Variants in PDE6B observed in about 807,000 individuals in gnomAD.
PDE6B encodes the protein rod cGMP-specific 3',5'-cyclic phosphodiesterase subunit beta.
In PDE6B, 106 loss-of-function variants were observed where a neutral mutation model predicts 109.0. The observed-to-expected ratio is 0.97, with a 90% confidence interval of 0.83 to 1.14. The LOEUF (loss-of-function observed/expected upper bound fraction) is 1.14. PDE6B is among the 50% of genes most tolerant of loss of function. The pLI, the probability that PDE6B is intolerant of heterozygous loss-of-function variation, is 0.00. For missense variants in PDE6B, 1,193 were observed against 1,155.6 expected (o/e 1.03, Z -0.47); for synonymous variants, 490 against 471.3 (o/e 1.04, Z -0.51).
chr4:653,813 G>A lies in PDE6B; in HGVS notation c.712-39G>A, dbSNP rs28514424. On this transcript the variant is annotated intron_variant, in intron 3 of 21. Transcript: ENST00000496514. The stretch of plus-strand genomic sequence containing the variant: ...CTGTGGTCAGACCGGCGTGAGGGTG[G>A]GAGTGGCCACAGGCCCACAGGTGTG... The A allele has an allele frequency of 8.6e-3, 13,923 of 1,611,514 alleles. 573 individuals carry two copies. In the African/African-American group the frequency reaches 0.12, roughly 14 times the overall value.
Position 669,361 on chromosome 4 carries a change from A to G in PDE6B, c.2504-685A>G, listed in dbSNP as rs867319622. On this transcript the variant is annotated intron_variant, in intron 21 of 21. Transcript: ENST00000496514. The stretch of plus-strand genomic sequence containing the variant: ...TATTCCCCTACCCCATGCTATTCCC[A>G]CTACCCCATGCTATTCCCCTACCCC... Among the ~76,000 whole-genome samples, 122 of 15,558 alleles carry G rather than the reference A, an allele frequency of 7.8e-3. 1 individual carries two copies. Among genetic ancestry groups the G allele is most frequent in the African/African-American group, 0.013 (38 of 2,934 alleles). 10.2% of individuals were successfully genotyped at this position (15,558 alleles called of 152,430 possible). A position where few individuals can be genotyped will look rare whatever the true frequency, so the allele number is the denominator to read the frequency against.
In PDE6B at chr4:662,026, G is replaced by T; in HGVS notation, c.1615-108G>T. Reference sequence around the variant, plus strand: ...TCGGGAAGTCCAGGAGACGGTGTGGGGATGATGGCACGGAGCAGGGCTTCC... The same window carrying T: ...TCGGGAAGTCCAGGAGACGGTGTGGTGATGATGGCACGGAGCAGGGCTTCC... On this transcript the variant is annotated intron_variant, in intron 12 of 21. Transcript: ENST00000496514. This position sits in a 1 kb window ranked among gnomAD's most constrained non-coding sequence, Gnocchi z 4.3. 1 of 707,880 alleles carries T rather than the reference G, an allele frequency of 1.4e-6. No homozygotes were observed. The highest frequency in any genetic ancestry group is 1.5e-5 in the South Asian group (1 of 67,072). The allele number at this position is 707,880 out of a possible 1,614,324, so 43.8% of individuals were successfully genotyped here. A position where few individuals can be genotyped will look rare whatever the true frequency, so the allele number is the denominator to read the frequency against.
intron 1 of PDE6B, among the ~76,000 whole-genome samples, chr4:631,630 G>A (rs1394133556): frequency 1.3e-5 from 2 of 149,912 alleles, no homozygotes; most frequent in Non-Finnish European, 3.0e-5. Flanking sequence ...TTTGTGTTTG[G>A]GACCATCTAA....
chr4:664,569 C>T (rs1385084667), intron 17 of PDE6B, among the ~76,000 whole-genome samples: 2 of 152,166 alleles, frequency 1.3e-5, no homozygotes, highest in Non-Finnish European at 2.9e-5. Context: ...ATAAACCCAG[C>T]ACTTGGGAGG....
chr4:667,840 T>G lies in PDE6B; in HGVS notation c.2353-16T>G, dbSNP rs766903755. ...AGGCAGGACAGGACTGGTGGTGACT[T>G]CTCGACTCCCCTCAGGAGTTCTCTC... is the stretch of plus-strand genomic sequence containing the variant. On this transcript the variant is annotated splice_polypyrimidine_tract_variant and intron_variant, in intron 20 of 21. Coordinates refer to ENST00000496514, the MANE Select transcript of PDE6B (RefSeq NM_000283.4). 2 of 1,611,850 alleles carry G rather than the reference T, an allele frequency of 1.2e-6. No homozygotes were observed. The highest frequency in any genetic ancestry group is 1.7e-6 in the Non-Finnish European group (2 of 1,178,636).
At chr4:667,078 C>T (rs1052152918) in intron 20 of PDE6B, among the ~76,000 whole-genome samples, 1 of 152,240 alleles carries the variant, frequency 6.6e-6, no homozygotes, top group Non-Finnish European at 1.5e-5. Context: ...AGCCACATCC[C>T]TGCCAATCTG....
chr4:634,042 T>C (rs1734519004), intron 1 of PDE6B, among the ~76,000 whole-genome samples: 1 of 151,298 alleles, frequency 6.6e-6, no homozygotes, highest in Non-Finnish European at 1.5e-5. Context: ...GCAGGCAAAG[T>C]TCTCATCACG....
In PDE6B at chr4:663,141, T is replaced by C; in HGVS notation, c.1874T>C (p.Leu625Ser). 1.9e-6 allele frequency: 3 copies of C among 1,612,292 alleles called. No homozygotes were observed. The highest frequency in any genetic ancestry group is 2.5e-6 in the Non-Finnish European group (3 of 1,178,584). ...PLAKLHGSSI[L>S]ERHHLEFGKF... ...GCTAAGCTCCACGGCTCCTCGATTT[T>C]GGAGCGGCACCACCTGGAGTTTGGG... The change falls in exon 15 of 22, where the codon TTG becomes TCG. Residue 625 changes from leucine (L) to serine (S), a missense_variant. Leu to Ser is a moderately radical substitution (Grantham distance 145). Transcript: ENST00000496514. The surrounding 1 kb of genome is among the most constrained non-coding windows in gnomAD (Gnocchi z 4.0).
At position 662,672 on chromosome 4, in the gene PDE6B, T is replaced by G; in HGVS notation, c.1832+54T>G. On this transcript the variant is annotated intron_variant, in intron 14 of 21. Coordinates refer to ENST00000496514, the MANE Select transcript of PDE6B (RefSeq NM_000283.4). The surrounding 1 kb of genome is among the most constrained non-coding windows in gnomAD (Gnocchi z 4.3). ...TAGCCCTAAATCAACTCCACGCCCT[T>G]GGCGTGAATTAGGCTTCGCATAGCA... 2 of 1,122,208 alleles carry G rather than the reference T, an allele frequency of 1.8e-6. No individual in the cohort carries two copies. The highest frequency in any genetic ancestry group is 2.5e-5 in the South Asian group (2 of 81,360). The allele number at this position is 1,122,208 out of a possible 1,614,324, so 69.5% of individuals were successfully genotyped here.
At chr4:646,045 T>C (rs1280773349) in intron 3 of PDE6B, among the ~76,000 whole-genome samples, 1 of 152,070 alleles carries the variant, frequency 6.6e-6, no homozygotes, top group Non-Finnish European at 1.5e-5. Flanking sequence ...GAAAATATGT[T>C]GCTTTCCTGT....
chr4:654,674 C>T lies in PDE6B; in HGVS notation c.928-150C>T, dbSNP rs1393226978. 2.9e-5 allele frequency: 22 copies of T among 760,496 alleles called. No homozygotes were observed. The East Asian group carries it at 5.4e-4, about 19-fold the overall frequency. The allele number at this position is 760,496 out of a possible 1,614,324, so 47.1% of individuals were successfully genotyped here. ...GTAGAATACCTGCGCACGGCGGAGA[C>T]ATCTGTTCACGTGTGTACACATGCA... On this transcript the variant is annotated intron_variant, in intron 5 of 21. Coordinates refer to ENST00000496514, the MANE Select transcript of PDE6B (RefSeq NM_000283.4).
intron 3 of PDE6B, among the ~76,000 whole-genome samples, chr4:642,384 GA>G (rs1210486909): frequency 1.3e-5 from 2 of 152,076 alleles, no homozygotes. Flanking sequence ...GCTGAGACAG[GA>G]AAATCGCTTG....
At chr4:650,351 C>T (rs909524133) in intron 3 of PDE6B, among the ~76,000 whole-genome samples, 6 of 152,226 alleles carry the variant, frequency 3.9e-5, no homozygotes, top group African/African-American at 9.6e-5. Flanking sequence ...GCTGGGTGTC[C>T]GGCCCCCCCT....
chr4:656,001 G>A lies in PDE6B; in HGVS notation c.1054G>A (p.Gly352Ser), dbSNP rs781265218. ...SGLPSYVAESGFICNIMNASA... is the reference protein window; with the variant it reads ...SGLPSYVAESSFICNIMNASA... ...CCTTCCAAGCTACGTGGCAGAAAGC[G>A]GCTTTGTGAGTCCCGTGCTGTCTGG... Residue 352 changes from glycine to serine, a missense_variant, in exon 7 of 22, where the codon GGC (glycine) becomes AGC (serine). Gly to Ser is a moderately conservative substitution (Grantham distance 56). Transcript: ENST00000496514. The A allele has an allele frequency of 5.7e-6, 9 of 1,592,778 alleles. No individual in the cohort carries two copies. In the Admixed American group the frequency reaches 6.7e-5, roughly 12 times the overall value.
chr4:662,122 C>T lies in PDE6B; in HGVS notation c.1615-12C>T, dbSNP rs752253000. 6.3e-6 allele frequency: 9 copies of T among 1,423,980 alleles called. No individual in the cohort carries two copies. Among genetic ancestry groups the T allele is most frequent in the African/African-American group, 2.8e-5 (2 of 70,648 alleles). The allele number at this position is 1,423,980 out of a possible 1,614,324, so 88.2% of individuals were successfully genotyped here. ...TTGCCGCCGGAGCCCTGTGTCCTCT[C>T]GGCTCCCCCAGGTCCTGGTGCGGTT... is the stretch of plus-strand genomic sequence containing the variant. On this transcript the variant is annotated splice_polypyrimidine_tract_variant and intron_variant, in intron 12 of 21. Transcript: ENST00000496514. The surrounding 1 kb of genome is among the most constrained non-coding windows in gnomAD (Gnocchi z 4.3).
Position 633,167 on chromosome 4 carries a change from G to T in PDE6B, c.469-1510G>T, listed in dbSNP as rs746374799. Among the ~76,000 whole-genome samples the T allele has an allele frequency of 6.6e-6, 1 of 152,044 alleles. No homozygotes were observed. The highest frequency in any genetic ancestry group is 2.4e-5 in the African/African-American group (1 of 41,392). On this transcript the variant is annotated intron_variant, in intron 1 of 21. Coordinates refer to ENST00000496514, the MANE Select transcript of PDE6B (RefSeq NM_000283.4). This position sits in a 1 kb window ranked among gnomAD's most constrained non-coding sequence, Gnocchi z 4.5. ...ACAGGTGCAGAGATGAGCCCTCGGG[G>T]GACGCAGGTGCAGAGATGAGCCCTC...
chr4:656,458 TCACCTGGGGCTGTGACCACAGCCCCCACA>T (rs958598805), intron 8 of PDE6B, among the ~76,000 whole-genome samples, 166 bp downstream of exon 8: 3 of 151,724 alleles, frequency 2.0e-5, no homozygotes, highest in African/African-American at 7.3e-5. Flanking sequence ...GGCGGGTGGA[TCACCTGGGGCTGTGACCACAGCCCCCACA>T]CACGCCCGCA....
chr4:628,332 C>T (rs555989495), intron 1 of PDE6B, among the ~76,000 whole-genome samples: 18 of 152,294 alleles, frequency 1.2e-4, no homozygotes, highest in African/African-American at 2.2e-4. Context: ...GGGCGTGAGC[C>T]GCACCGGCCA....
rs1734508612 is a variant in PDE6B at position 633,846 on chromosome 4, C to T, written c.469-831C>T. Reference sequence around the variant, plus strand: ...GGGTCACATCCAACTCTCTGAAGGACAGAATCCCAGTCACCGGGGGGTGTC... The same window carrying T: ...GGGTCACATCCAACTCTCTGAAGGATAGAATCCCAGTCACCGGGGGGTGTC... On this transcript the variant is annotated intron_variant, in intron 1 of 21. Coordinates refer to ENST00000496514, the MANE Select transcript of PDE6B (RefSeq NM_000283.4). The surrounding 1 kb of genome is among the most constrained non-coding windows in gnomAD (Gnocchi z 4.5). Among the ~76,000 whole-genome samples, 1 of 152,212 alleles carries T rather than the reference C, an allele frequency of 6.6e-6. No homozygotes were observed. Among genetic ancestry groups the T allele is most frequent in the Non-Finnish European group, 1.5e-5 (1 of 68,022 alleles).
Sources: allele counts gnomAD v4.1 joint callset (sites outside exome capture counted in the v4.1 genomes callset), GRCh38; gene constraint gnomAD v4.1.1; non-coding constraint Gnocchi (gnomAD v3.1); transcripts MANE v1.5; gene names NCBI Gene and HGNC (gene_info 2026-07-23, HGNC 2026-07-21).